Variants in NBAS observed in about 807,000 individuals in gnomAD.
NBAS encodes NBAS subunit of NRZ tethering complex.
Under a neutral mutation model 302.5 loss-of-function variants are expected in NBAS, and 219 were observed. The observed-to-expected ratio is 0.72, with a 90% CI of 0.65 to 0.81. The LOEUF (loss-of-function observed/expected upper bound fraction) is 0.81, where lower values mean the gene tolerates loss of function less well. NBAS is among the 30% of genes least tolerant of loss of function. NBAS has a pLI of 0.00. For missense variants in NBAS, 2,932 were observed against 2,841.6 expected (o/e 1.03, Z -0.72); for synonymous variants, 1,118 against 1,021.6 (o/e 1.09, Z -1.80).
chr2:15,464,171 T>A (rs533388944), intron 19 of NBAS, among the ~76,000 whole-genome samples: 1 of 152,190 alleles, frequency 6.6e-6, no homozygotes, highest in Non-Finnish European at 1.5e-5. Flanking sequence ...ACAATTCAAA[T>A]AGATAATTAG....
chr2:14,937,364 G>A, the NBAS span, among the ~76,000 whole-genome samples: 1 of 152,322 alleles, frequency 6.6e-6, no homozygotes, highest in Admixed American at 6.5e-5. Flanking sequence ...CGCACAGCAA[G>A]TTACATGAAG....
In NBAS at chr2:15,462,424, G is replaced by A. The variant is rs1366934975; in HGVS notation, c.2098-633C>T. Among the ~76,000 whole-genome samples, 4 of 152,188 alleles carry A rather than the reference G, an allele frequency of 2.6e-5. No homozygotes were observed. The East Asian group carries it at 7.7e-4, about 29-fold the overall frequency. On this transcript the variant is annotated intron_variant, in intron 19 of 51. Coordinates refer to ENST00000281513, the MANE Select transcript of NBAS (RefSeq NM_015909.4). ...AAAAGACAATGAAAAGTTAGCCATG[G>A]AATCGCAAGTGTAGGTCTCCCTACT...
the NBAS span, among the ~76,000 whole-genome samples, chr2:15,035,417 T>G: frequency 6.6e-6 from 1 of 152,190 alleles, no homozygotes; most frequent in African/African-American, 2.4e-5. Context: ...TCAACCATTG[T>G]GGAAGACAGT....
Position 15,174,031 on chromosome 2 carries a change from T to C in NBAS, c.6840+4957A>G, listed in dbSNP as rs377410037. 3.9e-4 allele frequency among the ~76,000 whole-genome samples: 60 copies of C among 152,366 alleles called. No individual in the cohort carries two copies. The East Asian group carries it at 9.5e-3, about 24-fold the overall frequency. On this transcript the variant is annotated intron_variant, in intron 51 of 51. Transcript: ENST00000281513. The stretch of plus-strand genomic sequence containing the variant: ...AAGTAAATTAACCAACCACTAGTGC[T>C]GTTTAGGAATCCCAGGCTGACCTGC...
the NBAS span, among the ~76,000 whole-genome samples, chr2:15,127,907 C>T: frequency 6.6e-6 from 1 of 152,156 alleles, no homozygotes; most frequent in African/African-American, 2.4e-5. Context: ...TGTAGGGCGA[C>T]TCGATGAGGT....
chr2:15,362,533 A>T (rs777718773), intron 32 of NBAS, among the ~76,000 whole-genome samples: 8 of 152,036 alleles, frequency 5.3e-5, no homozygotes, highest in Non-Finnish European at 8.8e-5. Context: ...TTAAAAAGGG[A>T]TGATGTTGCA....
the NBAS span, among the ~76,000 whole-genome samples, chr2:14,785,847 G>T: frequency 6.6e-6 from 1 of 152,164 alleles, no homozygotes; most frequent in Non-Finnish European, 1.5e-5. Flanking sequence ...AAATGAGTTA[G>T]GGAGGATTCC....
the NBAS span, among the ~76,000 whole-genome samples, chr2:14,935,499 T>C: frequency 6.6e-6 from 1 of 152,208 alleles, no homozygotes; most frequent in South Asian, 2.1e-4. Context: ...ATCAAATTTG[T>C]CTCAAATATC....
At chr2:15,297,884 G>A (rs1433352467) in intron 40 of NBAS, among the ~76,000 whole-genome samples, 3 of 152,098 alleles carry the variant, frequency 2.0e-5, no homozygotes, top group Admixed American at 2.0e-4. Flanking sequence ...GTCTGTGTGT[G>A]TGTGTAAATA....
intron 31 of NBAS, among the ~76,000 whole-genome samples, chr2:15,367,429 A>G (rs1384208122): frequency 6.6e-6 from 1 of 152,172 alleles, no homozygotes; most frequent in Non-Finnish European, 1.5e-5. Context: ...GATAATAGCA[A>G]CTGATGTGAA....
the NBAS span, among the ~76,000 whole-genome samples, chr2:15,020,739 C>G: frequency 1.3e-5 from 2 of 152,148 alleles, no homozygotes; most frequent in African/African-American, 4.8e-5. Context: ...GGTAAAATCT[C>G]TCCTAGGTGG....
intron 12 of NBAS, chr2:15,483,430 A>G: frequency 5.6e-6 from 2 of 355,136 alleles, no homozygotes; most frequent in Non-Finnish European, 5.7e-6. Context: ...TTCCATTTCT[A>G]GGCCTGAAGA....
At chr2:15,429,587 G>A (rs934097903) in intron 21 of NBAS, among the ~76,000 whole-genome samples, 5 of 152,128 alleles carry the variant, frequency 3.3e-5, no homozygotes, top group African/African-American at 9.7e-5. Flanking sequence ...GGGCAGTGAC[G>A]ACTGATCAAT....
chr2:15,135,445 A>G, the NBAS span, among the ~76,000 whole-genome samples: 1 of 152,168 alleles, frequency 6.6e-6, no homozygotes, highest in African/African-American at 2.4e-5. Context: ...TCAGGCAGTG[A>G]GCGGGCACCC....
intron 44 of NBAS, among the ~76,000 whole-genome samples, chr2:15,254,075 T>C (rs1438349244): frequency 6.6e-6 from 1 of 152,172 alleles, no homozygotes; most frequent in Non-Finnish European, 1.5e-5. Flanking sequence ...GGTCACAAGA[T>C]ATGCAACTTC....
the NBAS span, among the ~76,000 whole-genome samples, chr2:15,118,772 C>T: frequency 5.3e-5 from 8 of 152,136 alleles, no homozygotes; most frequent in African/African-American, 1.9e-4. Flanking sequence ...GTCCCAGTCC[C>T]AGGAGATGTC....
At chr2:15,215,297 C>T (rs946700117) in intron 48 of NBAS, among the ~76,000 whole-genome samples, 2 of 152,116 alleles carry the variant, frequency 1.3e-5, no homozygotes, top group East Asian at 1.9e-4. Flanking sequence ...ACTGTCTCTC[C>T]GAGAACCAGT....
At chr2:15,232,373 C>T in intron 47 of NBAS, 49 bp downstream of exon 47, 2 of 1,551,578 alleles carry the variant, frequency 1.3e-6, no homozygotes, top group Non-Finnish European at 1.8e-6. Context: ...AATTCTAATA[C>T]TCTGAGGAAA....
rs1184006072 is a variant in NBAS, at chr2:15,379,648, A to G, written c.3544T>C (p.Phe1182Leu). 1.2e-6 allele frequency: 2 copies of G among 1,613,984 alleles called. No homozygotes were observed. Among genetic ancestry groups the G allele is most frequent in the African/African-American group, 1.3e-5 (1 of 74,998 alleles). The change falls in exon 30 of 52, where the codon TTC becomes CTC. Residue 1182 changes from phenylalanine (F) to leucine (L), a missense_variant. By Grantham distance (22) the Phe-to-Leu change is conservative. Transcript: ENST00000281513. ...TCAGTGAGGTTGGTAGAAGAATTGA[A>G]GTACTCTCTGCTGGCAGCCAAAACC... ...DLVLAASREY[F>L]NSSTNLTDSC...
Sources: gnomAD v4.1 joint callset for allele counts (sites outside exome capture counted in the v4.1 genomes callset) on GRCh38, gnomAD v4.1.1 for gene constraint, MANE v1.5 for transcripts, NCBI Gene and HGNC (gene_info 2026-07-23, HGNC 2026-07-21) for gene names.